KCNQ1: variants seen among roughly 807,000 people sequenced by gnomAD.
The protein encoded by KCNQ1 is potassium voltage-gated channel subfamily Q member 1, also known as potassium voltage-gated channel subfamily KQT member 1.
A neutral mutation model predicts 72.4 loss-of-function variants in KCNQ1; 49 were observed. That is an observed-to-expected ratio of 0.68 (90% CI 0.54 to 0.86). The LOEUF (loss-of-function observed/expected upper bound fraction) is 0.86, where lower values mean the gene tolerates loss of function less well. KCNQ1 is among the 40% of genes least tolerant of loss of function. The pLI, the probability that KCNQ1 is intolerant of heterozygous loss-of-function variation, is 0.00. For missense variants in KCNQ1, 790 were observed against 945.1 expected, an observed-to-expected ratio of 0.84 and a Z score of 2.15; for synonymous variants, 450 against 412.6, an observed-to-expected ratio of 1.09 and a Z score of -1.10.
At chr11:2,648,815 C>T (rs1367788647) in intron 10 of KCNQ1, 4 of 398,262 alleles carry the variant, frequency 1.0e-5, no homozygotes, top group Non-Finnish European at 1.8e-5. Flanking sequence ...TGTTGCCATC[C>T]CTAACTATTA....
At chr11:2,754,083 C>T (rs561950220) in intron 11 of KCNQ1, among the ~76,000 whole-genome samples, 6 of 152,332 alleles carry the variant, frequency 3.9e-5, no homozygotes, top group Admixed American at 2.0e-4. Flanking sequence ...CACGCTCAGC[C>T]TCAGCAGTCA....
In KCNQ1 at chr11:2,710,292, A is replaced by T. The variant is rs73419350; in HGVS notation, c.1514+48211A>T. ...GTATCTCTTCTTTGAAGAAGTATGT[A>T]TTCAAATTCTTTGCCCAAATTTTAA... On this transcript the variant is annotated intron_variant, in intron 11 of 15. Transcript: ENST00000155840. This position sits in a 1 kb window ranked among gnomAD's most constrained non-coding sequence, Gnocchi z 4.1. Among the ~76,000 whole-genome samples, 5,176 of 152,334 alleles carry T rather than the reference A, an allele frequency of 0.034. 306 individuals are homozygous for T. Among genetic ancestry groups the T allele is most frequent in the African/African-American group, 0.12 (4,856 of 41,556 alleles).
chr11:2,763,925 A>G (rs549718125), intron 11 of KCNQ1, among the ~76,000 whole-genome samples: 34 of 152,148 alleles, frequency 2.2e-4, no homozygotes, highest in Admixed American at 1.2e-3. Flanking sequence ...ATGTATTCCA[A>G]CAGTTTATCT....
At chr11:2,675,765 C>A in intron 11 of KCNQ1, 4 of 398,724 alleles carry the variant, frequency 1.0e-5, no homozygotes, top group Non-Finnish European at 1.8e-5. Context: ...ACTCACAGCA[C>A]TGTGTGCGGG....
intron 1 of KCNQ1, among the ~76,000 whole-genome samples, chr11:2,519,011 G>A (rs899010589): frequency 3.9e-5 from 6 of 152,182 alleles, no homozygotes; most frequent in Non-Finnish European, 7.3e-5. Context: ...TGTTGTGGCT[G>A]CCAGGGGAGG....
chr11:2,731,377 T>G (rs970122144), intron 11 of KCNQ1, among the ~76,000 whole-genome samples: 8 of 152,196 alleles, frequency 5.3e-5, no homozygotes, highest in Non-Finnish European at 8.8e-5. Flanking sequence ...ATTCAGGCCT[T>G]GGTGAGTCTG....
chr11:2,620,700 A>G lies in KCNQ1; in HGVS notation c.1393+31846A>G, dbSNP rs1849155142. The stretch of plus-strand genomic sequence containing the variant: ...GAACAATTTATTTTCCTTTGAATAT[A>G]TATCCAGTAATGGGATTGCTGGGTC... On this transcript the variant is annotated intron_variant, in intron 10 of 15. Transcript: ENST00000155840. The surrounding 1 kb of genome is among the most constrained non-coding windows in gnomAD (Gnocchi z 4.5). The G allele has an allele frequency of 2.5e-6, 1 of 398,596 alleles. No homozygotes were observed. Among genetic ancestry groups the G allele is most frequent in the East Asian group, 3.6e-5 (1 of 28,074 alleles). 24.7% of individuals were successfully genotyped at this position (398,596 alleles called of 1,614,324 possible).
Position 2,626,973 on chromosome 11 carries a change from T to A in KCNQ1, c.1394-34988T>A, listed in dbSNP as rs1849271769. 2 of 398,468 alleles carry A rather than the reference T, an allele frequency of 5.0e-6. No individual in the cohort carries two copies. Among genetic ancestry groups the A allele is most frequent in the Non-Finnish European group, 8.8e-6 (2 of 226,048 alleles). The allele number at this position is 398,468 out of a possible 1,614,324, so 24.7% of individuals were successfully genotyped here. On this transcript the variant is annotated intron_variant, in intron 10 of 15. Transcript: ENST00000155840. This position sits in a 1 kb window ranked among gnomAD's most constrained non-coding sequence, Gnocchi z 4.0. ...TTTCTGCAAATAACATCATTAGGATTTTTATTGGGATTACCTTGGATTTGT... is the reference window on the plus strand; with the variant it reads ...TTTCTGCAAATAACATCATTAGGATATTTATTGGGATTACCTTGGATTTGT...
intron 4 of KCNQ1, 42 bp from the exon 5 acceptor site, chr11:2,571,971 G>A: frequency 3.2e-6 from 5 of 1,559,614 alleles, no homozygotes; most frequent in South Asian, 1.1e-5. Context: ...GAACAGCTGA[G>A]CCCAGCCTGG....
At chr11:2,535,727 C>A (rs1410646738) in intron 2 of KCNQ1, among the ~76,000 whole-genome samples, 5 of 152,204 alleles carry the variant, frequency 3.3e-5, no homozygotes, top group Non-Finnish European at 1.5e-5. Flanking sequence ...GTGACTGGTA[C>A]CCCCTGAAGA....
rs1389041086 is a variant in KCNQ1, at chr11:2,617,466, T to A, written c.1393+28612T>A. Reference sequence around the variant, plus strand: ...ATACACACCACAGTTTAGTCATCCATCAATGGACACGTAAGTTTTCATATC... The same window carrying A: ...ATACACACCACAGTTTAGTCATCCAACAATGGACACGTAAGTTTTCATATC... On this transcript the variant is annotated intron_variant, in intron 10 of 15. Transcript: ENST00000155840. This position sits in a 1 kb window ranked among gnomAD's most constrained non-coding sequence, Gnocchi z 4.6. The A allele has an allele frequency of 1.0e-5, 4 of 398,320 alleles. No homozygotes were observed. Among genetic ancestry groups the A allele is most frequent in the African/African-American group, 8.2e-5 (4 of 48,612 alleles). The allele number at this position is 398,320 out of a possible 1,614,324, so 24.7% of individuals were successfully genotyped here.
At position 2,462,094 on chromosome 11, in the gene KCNQ1, T is replaced by A. The variant is rs540905516; in HGVS notation, c.386+16610T>A. 3 of 291,194 alleles carry A rather than the reference T, an allele frequency of 1.0e-5. No homozygotes were observed. Among genetic ancestry groups the A allele is most frequent in the African/African-American group, 6.5e-5 (3 of 46,078 alleles). 18.0% of individuals were successfully genotyped at this position (291,194 alleles called of 1,614,324 possible). On this transcript the variant is annotated intron_variant, in intron 1 of 15. Transcript: ENST00000155840. This position sits in a 1 kb window ranked among gnomAD's most constrained non-coding sequence, Gnocchi z 8.2. ...CAGCCCCACTGTGTCTTTCTGGGAT[T>A]CACAAGAATCCTTCCCTGGGCTGAG...
intron 10 of KCNQ1, chr11:2,641,673 T>C: frequency 1.0e-5 from 4 of 398,368 alleles, no homozygotes; most frequent in Non-Finnish European, 1.8e-5. Flanking sequence ...TGTTTTTGTC[T>C]GTGTTTTTGA....
chr11:2,610,057 G>C (rs531329233), intron 10 of KCNQ1: 1 of 397,574 alleles, frequency 2.5e-6, no homozygotes, highest in African/African-American at 2.1e-5. Context: ...TTTACTTTTG[G>C]TCTTTTCTAT....
At chr11:2,656,743 TTC>T (rs1338396819) in intron 10 of KCNQ1, 3 of 398,542 alleles carry the variant, frequency 7.5e-6, no homozygotes, top group African/African-American at 6.2e-5. Flanking sequence ...TTACTCAGTC[TTC>T]TCTCTCATGG....
intron 15 of KCNQ1, among the ~76,000 whole-genome samples, chr11:2,802,093 G>A (rs1242681242): frequency 5.3e-5 from 8 of 152,218 alleles, no homozygotes; most frequent in Admixed American, 1.3e-4. Context: ...GACTCACACC[G>A]GCCCAGGACG....
Position 2,447,373 on chromosome 11 carries a change from C to T in KCNQ1, c.386+1889C>T, listed in dbSNP as rs1268621260. Among the ~76,000 whole-genome samples, 3 of 152,110 alleles carry T rather than the reference C, an allele frequency of 2.0e-5. No homozygotes were observed. Among genetic ancestry groups the T allele is most frequent in the African/African-American group, 7.2e-5 (3 of 41,398 alleles). On this transcript the variant is annotated intron_variant, in intron 1 of 15. Transcript: ENST00000155840. The surrounding 1 kb of genome is among the most constrained non-coding windows in gnomAD (Gnocchi z 7.6). ...GGCCAGATCTGGGGCTGGTCCTTTC[C>T]AGTTCTGGGTCCTGTCCTTGTAAGA...
At position 2,482,024 on chromosome 11, in the gene KCNQ1, G is replaced by A. The variant is rs889112585; in HGVS notation, c.386+36540G>A. On this transcript the variant is annotated intron_variant, in intron 1 of 15. Transcript: ENST00000155840. The surrounding 1 kb of genome is among the most constrained non-coding windows in gnomAD (Gnocchi z 5.7). ...AAAAGGTTGGGGACCACGGCCATCG[G>A]CTGTTTGCTTTATGAATTTGTGCCT... is the stretch of plus-strand genomic sequence containing the variant. 6.6e-6 allele frequency among the ~76,000 whole-genome samples: 1 copy of A among 152,156 alleles called. No homozygotes were observed. The highest frequency in any genetic ancestry group is 1.5e-5 in the Non-Finnish European group (1 of 68,042).
At position 2,544,888 on chromosome 11, in the gene KCNQ1, A is replaced by G. The variant is rs12575355; in HGVS notation, c.477+16870A>G. On this transcript the variant is annotated intron_variant, in intron 2 of 15. Transcript: ENST00000155840. The surrounding 1 kb of genome is among the most constrained non-coding windows in gnomAD (Gnocchi z 4.4). ...ACTGCTGTGTCCCCAGCCTTAGAAGACACACATCATTGTTCACCGTCAAGG... is the reference window on the plus strand; with the variant it reads ...ACTGCTGTGTCCCCAGCCTTAGAAGGCACACATCATTGTTCACCGTCAAGG... 0.16 allele frequency among the ~76,000 whole-genome samples: 23,798 copies of G among 152,192 alleles called. 2,148 individuals carry two copies. Among genetic ancestry groups the G allele is most frequent in the East Asian group, 0.31 (1,623 of 5,182 alleles).
Sources: allele counts gnomAD v4.1 joint callset (sites outside exome capture counted in the v4.1 genomes callset), GRCh38; gene constraint gnomAD v4.1.1; non-coding constraint Gnocchi (gnomAD v3.1); transcripts MANE v1.5; gene names NCBI Gene and HGNC (gene_info 2026-07-23, HGNC 2026-07-21).